The following DERA variants were observed in gnomAD, a reference collection of about 807,000 sequenced individuals.
DERA encodes the protein deoxyribose-phosphate aldolase, also known as 2-deoxy-D-ribose 5-phosphate aldolase.
In DERA, 15 loss-of-function variants were observed where a neutral mutation model predicts 41.1. The ratio of observed to expected loss-of-function variants is 0.37; its 90% CI spans 0.24 to 0.56. The LOEUF (loss-of-function observed/expected upper bound fraction) is 0.56, where lower values mean the gene tolerates loss of function less well. Ranked by LOEUF, DERA falls within the 20% of genes least tolerant of loss-of-function variation. The probability of loss-of-function intolerance (pLI) is 0.81; values close to 1 mark genes in which losing one functional copy is unlikely to be tolerated. For synonymous variants in DERA, 139 were observed against 137.4 expected, an observed-to-expected ratio of 1.01 and a Z score of -0.08; for missense variants, 396 against 403.4, an observed-to-expected ratio of 0.98 and a Z score of 0.16.
rs759642146 is a variant in DERA at position 16,036,331 on chromosome 12, G to A, written c.850G>A (p.Glu284Lys). 3.7e-6 allele frequency: 6 copies of A among 1,613,634 alleles called. No homozygotes were observed. In the South Asian group the frequency reaches 6.6e-5, roughly 18 times the overall value. ...GCTTGGAGATGAGTGGCTGAAGCCA[G>A]AACTCTTTCGAATAGGTGCCAGTAC... ...EELGDEWLKPELFRIGASTLL... is the reference protein window; with the variant it reads ...EELGDEWLKPKLFRIGASTLL... Residue 284 changes from glutamate to lysine, a missense_variant, in exon 8 of 9, where the codon GAA (glutamate) becomes AAA (lysine). Physicochemically the swap from Glu to Lys is moderately conservative, Grantham distance 56. Coordinates refer to ENST00000428559, the MANE Select transcript of DERA (RefSeq NM_015954.4). The surrounding 1 kb of genome is among the most constrained non-coding windows in gnomAD (Gnocchi z 4.9).
At chr12:15,958,931 A>G (rs1236465343) in intron 3 of DERA, among the ~76,000 whole-genome samples, 3 of 152,154 alleles carry the variant, frequency 2.0e-5, no homozygotes, top group Non-Finnish European at 4.4e-5. Flanking sequence ...CTAAATAAAG[A>G]AACAAAGACC....
In DERA at chr12:16,007,187, T is replaced by C. The variant is rs531815463; in HGVS notation, c.637+24751T>C. On this transcript the variant is annotated intron_variant, in intron 6 of 8. Coordinates refer to ENST00000428559, the MANE Select transcript of DERA (RefSeq NM_015954.4). ...TTGGGGTTTTTTTGTTTTTTTTTTT[T>C]TGTTTTTTTTTTTTGAGACAAGGTC... Among the ~76,000 whole-genome samples, 41 of 148,610 alleles carry C rather than the reference T, an allele frequency of 2.8e-4. 1 individual carries two copies. The highest frequency in any genetic ancestry group is 1.0e-3 in the African/African-American group (39 of 39,094).
rs1468706709 is a variant in DERA at position 16,013,777 on chromosome 12, A to G, written c.638-18765A>G. Among the ~76,000 whole-genome samples the G allele has an allele frequency of 6.6e-6, 1 of 152,144 alleles. No individual in the cohort carries two copies. Among genetic ancestry groups the G allele is most frequent in the African/African-American group, 2.4e-5 (1 of 41,432 alleles). ...ACAGGAAGATGTGGGAAAATTTGGA[A>G]CTTCCTAGAGACTTGTTGAATGGTT... On this transcript the variant is annotated intron_variant, in intron 6 of 8. Coordinates refer to ENST00000428559, the MANE Select transcript of DERA (RefSeq NM_015954.4). The surrounding 1 kb of genome is among the most constrained non-coding windows in gnomAD (Gnocchi z 5.8).
rs1432487584 is a variant in DERA, at chr12:15,989,062, G to A, written c.637+6626G>A. Among the ~76,000 whole-genome samples the A allele has an allele frequency of 6.6e-6, 1 of 152,236 alleles. No individual in the cohort carries two copies. Among genetic ancestry groups the A allele is most frequent in the East Asian group, 1.9e-4 (1 of 5,182 alleles). On this transcript the variant is annotated intron_variant, in intron 6 of 8. Transcript: ENST00000428559. The surrounding 1 kb of genome is among the most constrained non-coding windows in gnomAD (Gnocchi z 5.2). ...GGGACCAGGTACTTCTGAGCCTGCA[G>A]GGGTAGAGGGCTTCCCAGGCTTCTA...
At chr12:15,997,988 G>A (rs1180401702) in intron 6 of DERA, among the ~76,000 whole-genome samples, 1 of 152,124 alleles carries the variant, frequency 6.6e-6, no homozygotes, top group East Asian at 1.9e-4. Context: ...CATTTTAAAG[G>A]TGAGAAAACC....
In DERA at chr12:15,913,111, C is replaced by T. The variant is rs1294801592; in HGVS notation, c.31+1697C>T. On this transcript the variant is annotated intron_variant, in intron 1 of 8. Transcript: ENST00000428559. This position sits in a 1 kb window ranked among gnomAD's most constrained non-coding sequence, Gnocchi z 4.5. ...TGCCCTAAATTTCCCAAAACTTAGA[C>T]ATTTTAAATTTTTCTTTCAAAAAAC... 6.6e-6 allele frequency among the ~76,000 whole-genome samples: 1 copy of T among 152,152 alleles called. No individual in the cohort carries two copies. The highest frequency in any genetic ancestry group is 1.5e-5 in the Non-Finnish European group (1 of 68,018).
At chr12:15,987,486 C>T (rs552389617) in intron 6 of DERA, among the ~76,000 whole-genome samples, 3 of 152,020 alleles carry the variant, frequency 2.0e-5, no homozygotes, top group Non-Finnish European at 4.4e-5. Flanking sequence ...ATCCGCCTAC[C>T]TTGACCTCCC....
In DERA at chr12:15,913,026, G is replaced by T. The variant is rs1948175573; in HGVS notation, c.31+1612G>T. 6.6e-6 allele frequency among the ~76,000 whole-genome samples: 1 copy of T among 152,082 alleles called. No individual in the cohort carries two copies. The highest frequency in any genetic ancestry group is 2.4e-5 in the African/African-American group (1 of 41,408). On this transcript the variant is annotated intron_variant, in intron 1 of 8. Transcript: ENST00000428559. This position sits in a 1 kb window ranked among gnomAD's most constrained non-coding sequence, Gnocchi z 4.5. ...GGTGGATATGGGGCAGGTTTGGGGT[G>T]GTGTCTTACCTGGGTATTCCCAGGA...
chr12:16,002,683 C>T (rs35208240), intron 6 of DERA, among the ~76,000 whole-genome samples: 2 of 151,964 alleles, frequency 1.3e-5, no homozygotes, highest in African/African-American at 4.8e-5. Context: ...TGCTGTACAT[C>T]CTCTTCTCTT....
intron 1 of DERA, among the ~76,000 whole-genome samples, chr12:15,946,711 G>A (rs1010180150): frequency 6.6e-6 from 1 of 151,890 alleles, no homozygotes; most frequent in Admixed American, 6.6e-5. Context: ...AGGGTTTTTT[G>A]TGTCTCTATC....
chr12:16,002,447 C>T (rs571242927), intron 6 of DERA, among the ~76,000 whole-genome samples: 476 of 151,890 alleles, frequency 3.1e-3, no homozygotes, highest in Admixed American at 5.6e-3. Context: ...CAGGATTTTT[C>T]CTTTTTCTCT....
rs79128214 is a variant in DERA, at chr12:15,996,355, G to A, written c.637+13919G>A. On this transcript the variant is annotated intron_variant, in intron 6 of 8. Transcript: ENST00000428559. This position sits in a 1 kb window ranked among gnomAD's most constrained non-coding sequence, Gnocchi z 4.7. ...GTTCTTAAGGTTCTGGAGGCCAGAA[G>A]CCCGCAGTCAGGGTGTCAGCAGGCT... Among the ~76,000 whole-genome samples, 527 of 152,222 alleles carry A rather than the reference G, an allele frequency of 3.5e-3. 3 individuals are homozygous for A. The highest frequency in any genetic ancestry group is 0.012 in the African/African-American group (504 of 41,524).
intron 7 of DERA, among the ~76,000 whole-genome samples, chr12:16,034,225 C>T (rs924611512): frequency 6.6e-6 from 1 of 152,198 alleles, no homozygotes; most frequent in African/African-American, 2.4e-5. Flanking sequence ...TTGTTCTCAA[C>T]AAACATTTAT....
At position 15,924,695 on chromosome 12, in the gene DERA, G is replaced by A. The variant is rs1409837270; in HGVS notation, c.31+13281G>A. ...TTAACTTGATGAGTGATCAATAAATGGTAGCCATTATTGTAATTCCAATCG... is the reference window on the plus strand; with the variant it reads ...TTAACTTGATGAGTGATCAATAAATAGTAGCCATTATTGTAATTCCAATCG... On this transcript the variant is annotated intron_variant, in intron 1 of 8. Transcript: ENST00000428559. The surrounding 1 kb of genome is among the most constrained non-coding windows in gnomAD (Gnocchi z 5.0). Among the ~76,000 whole-genome samples the A allele has an allele frequency of 6.6e-6, 1 of 152,132 alleles. No individual in the cohort carries two copies. Among genetic ancestry groups the A allele is most frequent in the African/African-American group, 2.4e-5 (1 of 41,432 alleles).
At chr12:16,033,598 T>C (rs1197410690) in intron 7 of DERA, among the ~76,000 whole-genome samples, 1 of 150,396 alleles carries the variant, frequency 6.6e-6, no homozygotes, top group East Asian at 1.9e-4. Context: ...TGTGTGTGTG[T>C]GTGTGTGTGT....
intron 3 of DERA, 117 bp downstream of exon 3, chr12:15,958,452 A>G: frequency 1.4e-6 from 1 of 730,932 alleles, no homozygotes. Flanking sequence ...CATGATAGAA[A>G]CTCTTGCTGT....
chr12:16,012,633 C>A lies in DERA; in HGVS notation c.638-19909C>A, dbSNP rs1948953946. Among the ~76,000 whole-genome samples, 1 of 152,172 alleles carries A rather than the reference C, an allele frequency of 6.6e-6. No individual in the cohort carries two copies. The highest frequency in any genetic ancestry group is 1.5e-5 in the Non-Finnish European group (1 of 68,036). On this transcript the variant is annotated intron_variant, in intron 6 of 8. Coordinates refer to ENST00000428559, the MANE Select transcript of DERA (RefSeq NM_015954.4). The surrounding 1 kb of genome is among the most constrained non-coding windows in gnomAD (Gnocchi z 4.1). The stretch of plus-strand genomic sequence containing the variant: ...GGGATCTTCTTATTCTATTCTACCT[C>A]TAGGCAGAATTAAGCCTTTTTTCTC...
At chr12:15,979,519 A>T (rs1948719703) in intron 5 of DERA, among the ~76,000 whole-genome samples, 1 of 152,378 alleles carries the variant, frequency 6.6e-6, no homozygotes. Context: ...CAGATTTGGT[A>T]TAACTTTTGA....
intron 1 of DERA, among the ~76,000 whole-genome samples, chr12:15,945,538 G>C (rs935759030): frequency 2.0e-5 from 3 of 152,042 alleles, no homozygotes; most frequent in Non-Finnish European, 4.4e-5. Context: ...GTCTGTTATT[G>C]GTGTATAAGA....
Sources: allele counts gnomAD v4.1 joint callset (sites outside exome capture counted in the v4.1 genomes callset), GRCh38; gene constraint gnomAD v4.1.1; non-coding constraint Gnocchi (gnomAD v3.1); transcripts MANE v1.5; gene names NCBI Gene and HGNC (gene_info 2026-07-23, HGNC 2026-07-21).